The following CFAP161 variants were observed in gnomAD, a reference collection of about 807,000 sequenced individuals.
CFAP161 encodes the protein cilia and flagella associated protein 161, also known as cilia- and flagella-associated protein 161.
In CFAP161, 25 loss-of-function variants were observed where a neutral mutation model predicts 29.0. That is an observed-to-expected ratio of 0.86 (90% CI 0.63 to 1.20). CFAP161 has a LOEUF of 1.20. Ranked by LOEUF, CFAP161 falls within the 50% of genes most tolerant of loss-of-function variation. The pLI is 0.00. For synonymous variants in CFAP161, 116 were observed against 137.4 expected (o/e 0.84, Z 1.09); for missense variants, 367 against 371.9 (o/e 0.99, Z 0.11).
chr15:81,142,725 T>C (rs1894932383), intron 4 of CFAP161, among the ~76,000 whole-genome samples: 1 of 152,208 alleles, frequency 6.6e-6, no homozygotes, highest in East Asian at 1.9e-4. Flanking sequence ...AAGGTGCTTA[T>C]TGGAAACCTG....
At position 81,136,616 on chromosome 15, in the gene CFAP161, G is replaced by T. The variant is rs762555812; in HGVS notation, c.260G>T (p.Arg87Leu). Residue 87 changes from arginine (R) to leucine (L), a missense_variant, in exon 3 of 7, where the codon CGT becomes CTT. By Grantham distance (102) the Arg-to-Leu change is moderately radical (BLOSUM62 -2). Transcript: ENST00000286732. ...GACACAGAAGCTGATGTGTTTCTGCGTGGGGACCTGAGCCTGTGTATGACT... is the reference window on the plus strand; with the variant it reads ...GACACAGAAGCTGATGTGTTTCTGCTTGGGGACCTGAGCCTGTGTATGACT... ...DPDTEADVFLRGDLSLCMTPD... is the reference protein window; with the variant it reads ...DPDTEADVFLLGDLSLCMTPD... 1 of 1,614,048 alleles carries T rather than the reference G, an allele frequency of 6.2e-7. No individual in the cohort carries two copies. The highest frequency in any genetic ancestry group is 1.3e-5 in the African/African-American group (1 of 74,912).
intron 1 of CFAP161, chr15:81,117,852 CT>C: frequency 2.8e-6 from 1 of 356,666 alleles, no homozygotes; most frequent in South Asian, 3.0e-5. Context: ...CATCCTCATT[CT>C]CCTAGTCCTT....
At position 81,136,697 on chromosome 15, in the gene CFAP161, G is replaced by A; in HGVS notation, c.341G>A (p.Ser114Asn). 1 of 1,614,142 alleles carries A rather than the reference G, an allele frequency of 6.2e-7. No homozygotes were observed. Among genetic ancestry groups the A allele is most frequent in the Non-Finnish European group, 8.5e-7 (1 of 1,180,026 alleles). ...GAATTAGAGGTACCCTGTGGCCTGA[G>A]CGCAGTTCAAGCCAAGACCCCAATT... ...KDELEVPCGL[S>N]AVQAKTPIGR... is the part of the protein sequence containing the mutation. The change falls in exon 3 of 7, where the codon AGC becomes AAC. Residue 114 changes from serine (S) to asparagine (N), a missense_variant. Ser to Asn is a conservative substitution (Grantham distance 46). Transcript: ENST00000286732.
At position 81,101,433 on chromosome 15, in the gene CFAP161, G is replaced by A. The variant is rs186033795; in HGVS notation, c.-141-26157G>A. 3.2e-3 allele frequency among the ~76,000 whole-genome samples: 468 copies of A among 147,980 alleles called. 3 individuals carry two copies. Among genetic ancestry groups the A allele is most frequent in the Non-Finnish European group, 5.6e-3 (377 of 67,246 alleles). ...TCCCGGCTACTTGGGAGGCTGAGGCGGGATAATCACTTGAACCCGGGAGGT... is the reference window on the plus strand; with the variant it reads ...TCCCGGCTACTTGGGAGGCTGAGGCAGGATAATCACTTGAACCCGGGAGGT... On this transcript the variant is annotated intron_variant, in intron 1 of 4. Transcript: ENST00000560091.
upstream of CFAP161, among the ~76,000 whole-genome samples, chr15:81,129,663 A>C (rs1296455535): frequency 6.6e-6 from 1 of 152,204 alleles, no homozygotes; most frequent in Non-Finnish European, 1.5e-5. Flanking sequence ...TAGGATTTTC[A>C]GAATAGTAAA....
intron 1 of CFAP161, among the ~76,000 whole-genome samples, chr15:81,126,744 A>G (rs565088665): frequency 6.6e-6 from 1 of 152,340 alleles, no homozygotes; most frequent in South Asian, 2.1e-4. Context: ...ATTGTTAGGC[A>G]AAACTATTTT....
intron 1 of CFAP161, among the ~76,000 whole-genome samples, chr15:81,121,885 G>A (rs1182649068): frequency 1.3e-5 from 2 of 152,102 alleles, no homozygotes; most frequent in Non-Finnish European, 2.9e-5. Context: ...CCTTCTGAAA[G>A]GCCCCACTGT....
intron 1 of CFAP161, among the ~76,000 whole-genome samples, chr15:81,109,221 C>G (rs2141862304): frequency 6.6e-6 from 1 of 152,318 alleles, no homozygotes; most frequent in Admixed American, 6.5e-5. Context: ...CTTGCCATGA[C>G]TTTTGCTCTT....
intron 4 of CFAP161, among the ~76,000 whole-genome samples, chr15:81,142,190 C>T (rs1894922159): frequency 6.6e-6 from 1 of 152,130 alleles, no homozygotes; most frequent in African/African-American, 2.4e-5. Flanking sequence ...CCTCAGCAAC[C>T]CAGGCCCCAT....
chr15:81,145,855 T>C (rs1330343307), intron 5 of CFAP161, among the ~76,000 whole-genome samples: 1 of 152,156 alleles, frequency 6.6e-6, no homozygotes, highest in South Asian at 2.1e-4. Flanking sequence ...TTGGGTGGTG[T>C]TGGAGAGAAT....
intron 1 of CFAP161, among the ~76,000 whole-genome samples, chr15:81,105,555 A>T (rs1470040740): frequency 6.6e-6 from 1 of 151,744 alleles, no homozygotes; most frequent in East Asian, 2.0e-4. Context: ...CCAAGCAGTC[A>T]GTGGCCACTG....
intron 1 of CFAP161, among the ~76,000 whole-genome samples, chr15:81,106,654 G>T (rs550092457): frequency 6.6e-6 from 1 of 152,182 alleles, no homozygotes; most frequent in Non-Finnish European, 1.5e-5. Flanking sequence ...CTGTACCCAC[G>T]AATTGCCACA....
At chr15:81,144,613 G>A (rs370441285) in intron 5 of CFAP161, among the ~76,000 whole-genome samples, 5 of 151,612 alleles carry the variant, frequency 3.3e-5, no homozygotes, top group South Asian at 4.2e-4. Context: ...ATAAATAAAT[G>A]AATAAATGAA....
chr15:81,105,359 TTCTTTTCCTCCTTCCCTCCTTCC>T (rs1894359844), intron 1 of CFAP161, among the ~76,000 whole-genome samples: 1 of 22,564 alleles, frequency 4.4e-5, no homozygotes, highest in African/African-American at 9.6e-5. Context: ...CCCTCCTTCC[TTCTTTTCCTCCTTCCCTCCTTCC>T]TTCCTTCTTC....
At chr15:81,133,860 A>G (rs1894758024), upstream of CFAP161, among the ~76,000 whole-genome samples, 1 of 151,710 alleles carries the variant, frequency 6.6e-6, no homozygotes, top group African/African-American at 2.4e-5. Flanking sequence ...AAATGTGTAC[A>G]TTGAGCAGGT....
chr15:81,116,072 T>C (rs1353606752), intron 1 of CFAP161, among the ~76,000 whole-genome samples: 1 of 152,290 alleles, frequency 6.6e-6, no homozygotes, highest in African/African-American at 2.4e-5. Context: ...CAGAGAAGAA[T>C]GTGTTTAGGT....
upstream of CFAP161, among the ~76,000 whole-genome samples, chr15:81,129,739 C>T (rs1038533059): frequency 2.6e-5 from 4 of 152,214 alleles, no homozygotes; most frequent in African/African-American, 9.7e-5. Context: ...TGAAGGCAAG[C>T]ATTAACTTTT....
At chr15:81,144,694 G>A (rs1015283554) in intron 5 of CFAP161, among the ~76,000 whole-genome samples, 3 of 151,916 alleles carry the variant, frequency 2.0e-5, no homozygotes, top group African/African-American at 7.3e-5. Context: ...GGCTGAGGTG[G>A]GAGGATCACC....
intron 4 of CFAP161, among the ~76,000 whole-genome samples, chr15:81,138,987 T>C (rs1272189296): frequency 6.6e-6 from 1 of 152,222 alleles, no homozygotes; most frequent in African/African-American, 2.4e-5. Context: ...ATTATTATTA[T>C]TTTTGATACC....
Sources: allele counts gnomAD v4.1 joint callset (sites outside exome capture counted in the v4.1 genomes callset), GRCh38; gene constraint gnomAD v4.1.1; transcripts MANE v1.5; gene names NCBI Gene and HGNC (gene_info 2026-07-23, HGNC 2026-07-21).